REL: variants seen among roughly 807,000 people sequenced by gnomAD.
REL encodes the protein REL proto-oncogene, NF-kB subunit.
In REL, 15 loss-of-function variants were observed where a neutral mutation model predicts 45.9. The ratio of observed to expected loss-of-function variants is 0.33; its 90% CI spans 0.22 to 0.50. REL has a LOEUF of 0.50. Among genes scored for constraint, REL ranks in the 20% least tolerant of loss-of-function variants. The pLI is 0.98. For missense variants in REL, 601 were observed against 715.2 expected (o/e 0.84, Z 1.82); for synonymous variants, 239 against 242.1 (o/e 0.99, Z 0.12).
intron 1 of REL, among the ~76,000 whole-genome samples, chr2:60,882,744 A>G (rs914618900): frequency 6.6e-6 from 1 of 152,206 alleles, no homozygotes; most frequent in Non-Finnish European, 1.5e-5. Flanking sequence ...TGACGAATAG[A>G]GACGTTGAAT....
chr2:60,891,775 A>G lies in REL; in HGVS notation c.103A>G (p.Ile35Val), dbSNP rs1673221893. 1 of 1,614,124 alleles carries G rather than the reference A, an allele frequency of 6.2e-7. No individual in the cohort carries two copies. ...ATGTGAAGGGCGATCAGCAGGCAGC[A>G]TTCCAGGGGAGCACAGCACAGACAA... is the stretch of plus-strand genomic sequence containing the variant. Reference protein sequence around the residue: ...YKCEGRSAGSIPGEHSTDNNR... With the variant: ...YKCEGRSAGSVPGEHSTDNNR... Residue 35 changes from isoleucine (I) to valine (V), a missense_variant, in exon 2 of 10, where the codon ATT (isoleucine) becomes GTT (valine). By Grantham distance (29) the Ile-to-Val change is conservative (BLOSUM62 3). Transcript: ENST00000394479.
chr2:60,901,505 C>T (rs1673497281), intron 4 of REL, among the ~76,000 whole-genome samples: 1 of 152,060 alleles, frequency 6.6e-6, no homozygotes, highest in Non-Finnish European at 1.5e-5. Flanking sequence ...GTTTACTTTT[C>T]TACTTGTTGA....
At chr2:60,896,006 T>G (rs1027406382) in intron 3 of REL, among the ~76,000 whole-genome samples, 6 of 146,596 alleles carry the variant, frequency 4.1e-5, no homozygotes, top group East Asian at 2.0e-4. Context: ...CTGTTTTTTG[T>G]TTTTTTTTTT....
chr2:60,927,737 A>C lies in REL; in HGVS notation c.*5202A>C, dbSNP rs527897192. 6.1e-5 allele frequency: 14 copies of C among 229,194 alleles called. No homozygotes were observed. Among genetic ancestry groups the C allele is most frequent in the African/African-American group, 3.1e-4 (14 of 45,228 alleles). The allele number at this position is 229,194 out of a possible 1,614,324, so 14.2% of individuals were successfully genotyped here. A position where few individuals can be genotyped will look rare whatever the true frequency, so the allele number is the denominator to read the frequency against. ...TTTTCTTTGCAAGGATAACACATGT[A>C]GAGTAAAATGCATAAAGGGGACTAA... On this transcript the variant is annotated 3_prime_UTR_variant, in exon 10 of 10. Transcript: ENST00000394479.
In REL at chr2:60,930,007, C is replaced by T. The variant is rs1262473046; in HGVS notation, c.*7472C>T. On this transcript the variant is annotated 3_prime_UTR_variant, in exon 10 of 10. Transcript: ENST00000394479. ...GACCCTGTCTCAAAAAAAAAAAAGA[C>T]TTAGAATTGGTGATCCAGGCCGCCT... 6.6e-6 allele frequency: 1 copy of T among 151,164 alleles called. No individual in the cohort carries two copies. The highest frequency in any genetic ancestry group is 1.5e-5 in the Non-Finnish European group (1 of 67,740). 9.4% of individuals were successfully genotyped at this position (151,164 alleles called of 1,614,324 possible).
chr2:60,906,900 T>C (rs1271278675), intron 4 of REL, among the ~76,000 whole-genome samples: 1 of 100,030 alleles, frequency 1.0e-5, no homozygotes, highest in Non-Finnish European at 2.1e-5. Context: ...TGTGTATATA[T>C]ATATATATAT....
Position 60,918,526 on chromosome 2 carries a change from C to T in REL, c.773C>T (p.Thr258Ile). ...PYCKAITEPV[T>I]VKMQLRRPSD... ...TGCAAAGCTATCACAGAACCCGTAA[C>T]AGTAAAAATGCAGTTGCGGAGACCT... Residue 258 changes from threonine to isoleucine, a missense_variant, in exon 7 of 10, where the codon ACA becomes ATA. Thr to Ile is a moderately conservative substitution (Grantham distance 89, BLOSUM62 -1). This residue lies in a region of REL where 241 missense variants were observed against 347.0 expected (regional missense o/e 0.69). Coordinates refer to ENST00000394479, the MANE Select transcript of REL (RefSeq NM_001291746.2). 6.2e-7 allele frequency: 1 copy of T among 1,614,108 alleles called. No individual in the cohort carries two copies.
At chr2:60,882,616 A>G (rs1187558108) in intron 1 of REL, among the ~76,000 whole-genome samples, 1 of 152,058 alleles carries the variant, frequency 6.6e-6, no homozygotes, top group African/African-American at 2.4e-5. Context: ...TGGAGGTTGC[A>G]GTGAGCCGAG....
At chr2:60,885,671 T>G (rs889682966) in intron 1 of REL, among the ~76,000 whole-genome samples, 2 of 152,234 alleles carry the variant, frequency 1.3e-5, no homozygotes, top group Non-Finnish European at 2.9e-5. Flanking sequence ...AGATCTTATT[T>G]TCTTTTTCTC....
At chr2:60,897,697 A>T (rs113038517) in intron 3 of REL, among the ~76,000 whole-genome samples, 1 of 151,932 alleles carries the variant, frequency 6.6e-6, no homozygotes, top group South Asian at 2.1e-4. Context: ...AGTAAGTCTG[A>T]TTGCCTTCTC....
At chr2:60,914,401 A>G (rs1402269498) in intron 4 of REL, among the ~76,000 whole-genome samples, 2 of 152,196 alleles carry the variant, frequency 1.3e-5, no homozygotes, top group Non-Finnish European at 2.9e-5. Context: ...AATCTCATAA[A>G]CAGTGATTTT....
chr2:60,906,913 A>ATT (rs1162627805), intron 4 of REL, among the ~76,000 whole-genome samples: 2,810 of 104,224 alleles, frequency 0.027, 85 homozygotes, highest in African/African-American at 0.061. Context: ...ATATATATAT[A>ATT]TTTTTTTTTT....
At position 60,920,035 on chromosome 2, in the gene REL, A is replaced by T. The variant is rs776325358; in HGVS notation, c.854-6A>T. 5 of 1,596,332 alleles carry T rather than the reference A, an allele frequency of 3.1e-6. No homozygotes were observed. The highest frequency in any genetic ancestry group is 1.3e-5 in the African/African-American group (1 of 74,100). On this transcript the variant is annotated splice_polypyrimidine_tract_variant and splice_region_variant and intron_variant, in intron 7 of 9. Transcript: ENST00000394479. ...TTATCTGCTTTCCTGGTTTCTTTCT[A>T]ATCAGATACTTACGGCAATAAAGCA...
chr2:60,897,149 G>T (rs561100705), intron 3 of REL, among the ~76,000 whole-genome samples: 56 of 151,998 alleles, frequency 3.7e-4, no homozygotes, highest in African/African-American at 1.3e-3. Flanking sequence ...TAGTTATTCT[G>T]TTATTCTTTT....
chr2:60,914,411 T>G (rs1161547484), intron 4 of REL, among the ~76,000 whole-genome samples: 1 of 152,260 alleles, frequency 6.6e-6, no homozygotes, highest in Non-Finnish European at 1.5e-5. Context: ...ACAGTGATTT[T>G]TTTTGAGAAG....
At chr2:60,912,315 C>G (rs1673841839) in intron 4 of REL, among the ~76,000 whole-genome samples, 5 of 152,048 alleles carry the variant, frequency 3.3e-5, no homozygotes, top group Admixed American at 2.6e-4. Context: ...GTATGTATAG[C>G]TCAGATTTAT....
rs1674176524 is a variant in REL at position 60,922,642 on chromosome 2, TACTG to T, written c.*113_*116del. On this transcript the variant is annotated 3_prime_UTR_variant, in exon 10 of 10. Transcript: ENST00000394479. ...TACTATATTTATACTGTATATATAA[TACTG>T]ACTGAGAATATAATACTGTATTTGA... The T allele has an allele frequency of 4.4e-6, 6 of 1,376,694 alleles. No homozygotes were observed. The East Asian group carries it at 1.0e-4, about 24-fold the overall frequency. 85.3% of individuals were successfully genotyped at this position (1,376,694 alleles called of 1,614,324 possible).
chr2:60,916,978 G>C lies in REL; in HGVS notation c.496G>C (p.Ala166Pro). The C allele has an allele frequency of 2.5e-6, 4 of 1,613,354 alleles. No individual in the cohort carries two copies. The highest frequency in any genetic ancestry group is 3.4e-6 in the Non-Finnish European group (4 of 1,179,578). The change falls in exon 5 of 10, where the codon GCT becomes CCT. Residue 166 changes from alanine (A) to proline (P), a missense_variant. By Grantham distance (27) the Ala-to-Pro change is conservative. Coordinates refer to ENST00000394479, the MANE Select transcript of REL (RefSeq NM_001291746.2). ...TGATGAACATGGTAATTTGACGACTGCTCTTCCTCCTGTTGTCTCGAACCC... is the reference window on the plus strand; with the variant it reads ...TGATGAACATGGTAATTTGACGACTCCTCTTCCTCCTGTTGTCTCGAACCC... The part of the protein sequence containing the change: ...LPDEHGNLTT[A>P]LPPVVSNPIY...
At chr2:60,881,998 A>C (rs1672952566) in intron 1 of REL, 148 bp downstream of exon 1, 1 of 538,154 alleles carries the variant, frequency 1.9e-6, no homozygotes, top group African/African-American at 2.0e-5. Context: ...GCTTTTAAAA[A>C]AGTTACCTGC....
Sources: gnomAD v4.1 joint callset for allele counts (sites outside exome capture counted in the v4.1 genomes callset) on GRCh38, gnomAD v4.1.1 for gene constraint, gnomAD v4.1.1 regional missense constraint, MANE v1.5 for transcripts, NCBI Gene and HGNC (gene_info 2026-07-23, HGNC 2026-07-21) for gene names.